The following PPFIA2 variants were observed in gnomAD, a reference collection of about 807,000 sequenced individuals.
PPFIA2 encodes liprin-alpha-2.
Under a neutral mutation model 175.5 loss-of-function variants are expected in PPFIA2, and 46 were observed. The observed-to-expected ratio is 0.26, with a 90% confidence interval of 0.21 to 0.34. The LOEUF is 0.34. Ranked by LOEUF, PPFIA2 falls within the 10% of genes least tolerant of loss-of-function variation. The pLI is 1.00. For synonymous variants in PPFIA2, 568 were observed against 511.4 expected (o/e 1.11, Z -1.49); for missense variants, 1,179 against 1,506.1 (o/e 0.78, Z 3.60).
chr12:81,697,723 T>C lies in PPFIA2; in HGVS notation c.250-20879A>G, dbSNP rs148268989. ...TCTGTCTCCTTCACTATTTAGAACA[T>C]TTCCTCTAGACCAAGACTTTGCTTT... On this transcript the variant is annotated intron_variant, in intron 3 of 32. Coordinates refer to ENST00000549396, the MANE Select transcript of PPFIA2 (RefSeq NM_003625.5). Among the ~76,000 whole-genome samples, 479 of 152,234 alleles carry C rather than the reference T, an allele frequency of 3.1e-3. 4 individuals are homozygous for C. Among genetic ancestry groups the C allele is most frequent in the Middle Eastern group, 0.014 (4 of 294 alleles).
intron 3 of PPFIA2, among the ~76,000 whole-genome samples, chr12:81,699,539 T>C: frequency 7.7e-6 from 1 of 129,892 alleles, no homozygotes; most frequent in Non-Finnish European, 1.8e-5. Context: ...AAAATAATAA[T>C]ATCCTCTCTA....
chr12:81,518,554 T>C (rs1317352964), intron 4 of PPFIA2, among the ~76,000 whole-genome samples: 2 of 152,164 alleles, frequency 1.3e-5, no homozygotes, highest in Admixed American at 1.3e-4. Flanking sequence ...ACTGACACCT[T>C]CACCTTTCTA....
intron 3 of PPFIA2, among the ~76,000 whole-genome samples, chr12:81,744,626 A>G (rs1411826081): frequency 1.3e-5 from 2 of 152,076 alleles, no homozygotes; most frequent in South Asian, 2.1e-4. Flanking sequence ...TGGTTTCACC[A>G]TGTTGGCCAG....
chr12:81,495,173 C>G (rs2059900043), intron 4 of PPFIA2, among the ~76,000 whole-genome samples: 1 of 152,010 alleles, frequency 6.6e-6, no homozygotes, highest in African/African-American at 2.4e-5. Flanking sequence ...CATCCCCTAA[C>G]AGAAATTTAG....
intron 4 of PPFIA2, among the ~76,000 whole-genome samples, chr12:81,485,693 G>A (rs553136882): frequency 6.6e-6 from 1 of 151,890 alleles, no homozygotes; most frequent in African/African-American, 2.4e-5. Context: ...TATAACACAA[G>A]TCACAAAATA....
intron 4 of PPFIA2, chr12:81,465,329 A>T (rs1463485574): frequency 2.0e-5 from 3 of 152,160 alleles, no homozygotes; most frequent in Non-Finnish European, 2.9e-5. Context: ...GTTGGAATTC[A>T]GCTTCACTAA....
intron 7 of PPFIA2, among the ~76,000 whole-genome samples, chr12:81,429,272 T>C (rs2047687832): frequency 6.6e-6 from 1 of 151,950 alleles, no homozygotes; most frequent in African/African-American, 2.4e-5. Flanking sequence ...CAAAAGTGAG[T>C]AATTTGCAAA....
intron 4 of PPFIA2, among the ~76,000 whole-genome samples, chr12:81,611,228 C>T (rs1212150254): frequency 3.9e-5 from 6 of 152,104 alleles, no homozygotes; most frequent in African/African-American, 1.2e-4. Context: ...CTCTCTTGGG[C>T]AAAGGTTGTG....
At chr12:81,418,344 A>G (rs1339528077) in intron 7 of PPFIA2, among the ~76,000 whole-genome samples, 1 of 151,904 alleles carries the variant, frequency 6.6e-6, no homozygotes, top group African/African-American at 2.4e-5. Context: ...GCTAATTTCT[A>G]ACTACTCAAA....
chr12:81,447,822 T>C (rs2051593111), intron 5 of PPFIA2, among the ~76,000 whole-genome samples: 1 of 152,158 alleles, frequency 6.6e-6, no homozygotes, highest in African/African-American at 2.4e-5. Flanking sequence ...ATGAGTTAAA[T>C]TTACATACCT....
intron 12 of PPFIA2, 24 bp from the exon 13 acceptor site, chr12:81,368,880 A>T: frequency 6.3e-7 from 1 of 1,592,768 alleles, no homozygotes; most frequent in South Asian, 1.1e-5. Context: ...AAATGACATA[A>T]AAATCCATTC....
intron 13 of PPFIA2, 38 bp downstream of exon 13, chr12:81,368,687 C>T: frequency 6.3e-7 from 1 of 1,577,326 alleles, no homozygotes. Context: ...ATGAGCATTG[C>T]AAAATATTCA....
chr12:81,346,643 G>A (rs1292628716), intron 18 of PPFIA2, among the ~76,000 whole-genome samples: 10 of 151,112 alleles, frequency 6.6e-5, no homozygotes, highest in Non-Finnish European at 1.3e-4. Context: ...ATGAAATAAG[G>A]AATTAATGTA....
chr12:81,385,514 T>A (rs2038729104), intron 8 of PPFIA2, among the ~76,000 whole-genome samples: 1 of 152,072 alleles, frequency 6.6e-6, no homozygotes, highest in South Asian at 2.1e-4. Context: ...CACAATGAAA[T>A]CCTATTCAGT....
At chr12:81,647,317 AAAGCTGT>A (rs1312806152) in intron 4 of PPFIA2, among the ~76,000 whole-genome samples, 24 of 152,336 alleles carry the variant, frequency 1.6e-4, no homozygotes, top group African/African-American at 5.5e-4. Context: ...AGAACATCTA[AAAGCTGT>A]AAGACAGTAT....
intron 7 of PPFIA2, among the ~76,000 whole-genome samples, chr12:81,428,027 T>A (rs1221857880): frequency 6.6e-6 from 1 of 151,988 alleles, no homozygotes; most frequent in Non-Finnish European, 1.5e-5. Context: ...ATATTTCATC[T>A]AAATTTCTAA....
chr12:81,416,389 C>A (rs756694814), intron 7 of PPFIA2, among the ~76,000 whole-genome samples: 1 of 151,410 alleles, frequency 6.6e-6, no homozygotes, highest in Non-Finnish European at 1.5e-5. Flanking sequence ...AAGTGCCCTA[C>A]CAAAGATAAA....
At chr12:81,463,917 T>C (rs2055110892) in intron 4 of PPFIA2, among the ~76,000 whole-genome samples, 1 of 152,154 alleles carries the variant, frequency 6.6e-6, no homozygotes, top group Non-Finnish European at 1.5e-5. Flanking sequence ...TCATTTCTTA[T>C]ACACCAACAT....
At chr12:81,498,968 A>C (rs2060308446) in intron 4 of PPFIA2, among the ~76,000 whole-genome samples, 1 of 152,190 alleles carries the variant, frequency 6.6e-6, no homozygotes, top group Admixed American at 6.5e-5. Context: ...AAAGTGAGGT[A>C]AAGAAAAGAA....
Sources: allele counts gnomAD v4.1 joint callset (sites outside exome capture counted in the v4.1 genomes callset), GRCh38; gene constraint gnomAD v4.1.1; transcripts MANE v1.5; gene names NCBI Gene and HGNC (gene_info 2026-07-23, HGNC 2026-07-21).